GPR152: variants seen among roughly 807,000 people sequenced by gnomAD.
GPR152 encodes the protein G protein-coupled receptor 152.
For synonymous variants in GPR152, 278 were observed against 289.0 expected (o/e 0.96, Z 0.39); for missense variants, 549 against 617.2 (o/e 0.89, Z 1.17).
chr11:67,451,436 G>C lies in GPR152; in HGVS notation c.1289C>G (p.Ser430Cys), dbSNP rs1344070333. ...SSVPSPCDEASPTPSSHPTPG... is the reference protein window; with the variant it reads ...SSVPSPCDEACPTPSSHPTPG... ...GGTAGGATGCGAGGATGGGGTTGGGGAAGCTTCATCACAGGGACTGGGCAC... is the reference window on the plus strand; with the variant it reads ...GGTAGGATGCGAGGATGGGGTTGGGCAAGCTTCATCACAGGGACTGGGCAC... Residue 430 changes from serine (S) to cysteine (C), a missense_variant, in exon 1 of 1, where the codon TCC becomes TGC. Physicochemically the swap from Ser to Cys is moderately radical, Grantham distance 112. Transcript: ENST00000312457. The C allele has an allele frequency of 6.2e-7, 1 of 1,614,098 alleles. No homozygotes were observed. The highest frequency in any genetic ancestry group is 8.5e-7 in the Non-Finnish European group (1 of 1,180,012).
Position 67,452,025 on chromosome 11 carries a change from C to T in GPR152, c.700G>A (p.Gly234Ser), listed in dbSNP as rs1280055879. The T allele has an allele frequency of 5.6e-6, 9 of 1,612,212 alleles. No individual in the cohort carries two copies. Among genetic ancestry groups the T allele is most frequent in the Non-Finnish European group, 7.6e-6 (9 of 1,179,836 alleles). The change falls in exon 1 of 1, where the codon GGC becomes AGC. Residue 234 changes from glycine to serine, a missense_variant. Transcript: ENST00000312457. ...HRQQQPAACRGFARVARTILS... is the reference protein window; with the variant it reads ...HRQQQPAACRSFARVARTILS... ...ATGGTCCTGGCCACACGGGCGAAGC[C>T]CCGGCAGGCTGCGGGCTGCTGTTGG...
Position 67,451,579 on chromosome 11 carries a change from T to C in GPR152, c.1146A>G (p.Pro382=), listed in dbSNP as rs1462604939. The part of the protein sequence containing the change: ...AQPQLNPTAQ[P]QSDPTAQPQL... ...GTGGCTGGGCTGTGGGATCCGACTG[T>C]GGCTGGGCCGTAGGGTTCAGCTGTG... The change falls in exon 1 of 1, where the codon CCA becomes CCG. Residue 382 remains proline, a synonymous_variant. Coordinates refer to ENST00000312457, the MANE Select transcript of GPR152 (RefSeq NM_206997.1). The C allele has an allele frequency of 1.2e-6, 2 of 1,613,992 alleles. No individual in the cohort carries two copies. Among genetic ancestry groups the C allele is most frequent in the Admixed American group, 1.7e-5 (1 of 60,016 alleles).
chr11:67,452,485 G>A lies in GPR152; in HGVS notation c.240C>T (p.Phe80=), dbSNP rs769563551. The part of the protein sequence containing the change: ...LLSLALSDFL[F]LAAAAFQILE... ...GGATCTGGAAGGCCGCTGCTGCCAGGAACAAGAAGTCAGAGAGGGCCAGGC... is the reference window on the plus strand; with the variant it reads ...GGATCTGGAAGGCCGCTGCTGCCAGAAACAAGAAGTCAGAGAGGGCCAGGC... Residue 80 remains phenylalanine (F), a synonymous_variant, in exon 1 of 1, where the codon TTC becomes TTT. Transcript: ENST00000312457. 8 of 1,611,470 alleles carry A rather than the reference G, an allele frequency of 5.0e-6. No individual in the cohort carries two copies. The highest frequency in any genetic ancestry group is 6.8e-6 in the Non-Finnish European group (8 of 1,179,354).
chr11:67,452,356 G>A lies in GPR152; in HGVS notation c.369C>T (p.Ala123=), dbSNP rs747752250. 31 of 1,612,084 alleles carry A rather than the reference G, an allele frequency of 1.9e-5. No homozygotes were observed. In the South Asian group the frequency reaches 2.4e-4, roughly 13 times the overall value. The change falls in exon 1 of 1, where the codon GCC becomes GCT. Residue 123 remains alanine, a synonymous_variant. Transcript: ENST00000312457. Reference sequence around the variant, plus strand: ...GCAGGCAGCGGTCGAGGCTGAGGGCGGCCAGCAGGAAGAGGCCGGAGGAGT... The same window carrying A: ...GCAGGCAGCGGTCGAGGCTGAGGGCAGCCAGCAGGAAGAGGCCGGAGGAGT... ...VSYSSGLFLL[A]ALSLDRCLLA... is the part of the protein sequence containing the mutation.
rs1054008551 is a variant in GPR152 at position 67,451,843 on chromosome 11, G to C, written c.882C>G (p.Leu294=). The change falls in exon 1 of 1, where the codon CTC becomes CTG. Residue 294 remains leucine (L), a synonymous_variant. Coordinates refer to ENST00000312457, the MANE Select transcript of GPR152 (RefSeq NM_206997.1). Reference sequence around the variant, plus strand: ...GGAGGTCGGCACTGGCCATGAGGCAGAGGAAGGGGCTGAGGCAGCTGTTGA... The same window carrying C: ...GGAGGTCGGCACTGGCCATGAGGCACAGGAAGGGGCTGAGGCAGCTGTTGA... The part of the protein sequence containing the change: ...ILLNSCLSPF[L]CLMASADLRT... The C allele has an allele frequency of 1.2e-6, 2 of 1,613,102 alleles. No homozygotes were observed. The highest frequency in any genetic ancestry group is 2.7e-5 in the African/African-American group (2 of 74,946).
chr11:67,452,376 AG>A lies in GPR152; in HGVS notation c.348del (p.Ser117ProfsTer77). Reference sequence around the variant, plus strand: ...AGGGCGGCCAGCAGGAAGAGGCCGGAGGAGTAGGACACGCCCCATAGGAAGT... The same window carrying A: ...AGGGCGGCCAGCAGGAAGAGGCCGGAGAGTAGGACACGCCCCATAGGAAGT... The part of the protein sequence containing the change: ...FYYFLWGVSY[S>X]SGLFLLAALS... On this transcript the variant is annotated frameshift_variant, in exon 1 of 1. Coordinates refer to ENST00000312457, the MANE Select transcript of GPR152 (RefSeq NM_206997.1). LOFTEE classifies it low-confidence loss of function (END_TRUNC). The A allele has an allele frequency of 6.2e-7, 1 of 1,612,600 alleles. No individual in the cohort carries two copies. Among genetic ancestry groups the A allele is most frequent in the South Asian group, 1.1e-5 (1 of 91,054 alleles).
Position 67,452,545 on chromosome 11 carries a change from A to T in GPR152, c.180T>A (p.His60Gln), listed in dbSNP as rs374934185. The T allele has an allele frequency of 4.1e-5, 66 of 1,606,728 alleles. No homozygotes were observed. Among genetic ancestry groups the T allele is most frequent in the Non-Finnish European group, 4.8e-5 (57 of 1,177,056 alleles). ...GCAGCGCCAGACGCGTGCCAGCTCC[A>T]TGCCGGGCCTGGGAGCCGGCCAGCC... Reference protein sequence around the residue: ...MAWLAGSQARHGAGTRLALLL... With the variant: ...MAWLAGSQARQGAGTRLALLL... The change falls in exon 1 of 1, where the codon CAT becomes CAA. Residue 60 changes from histidine (H) to glutamine (Q), a missense_variant. His to Gln is a conservative substitution (Grantham distance 24). Transcript: ENST00000312457.
Position 67,451,734 on chromosome 11 carries a change from G to A in GPR152, c.991C>T (p.Gln331Ter). The change falls in exon 1 of 1, where the codon CAG (glutamine) becomes TAG (stop). Residue 331 changes from glutamine to a stop codon, truncating the protein, a stop_gained. Transcript: ENST00000312457. LOFTEE classifies it low-confidence loss of function (END_TRUNC). ...GGACCCTCAGAATCTAGCTGGGTCT[G>A]TGGCTCAGTGGGCGTGAAGCTGCCC... ...RPGSFTPTEP[Q>*]TQLDSEGPTL... The A allele has an allele frequency of 6.2e-7, 1 of 1,613,638 alleles. No homozygotes were observed. Among genetic ancestry groups the A allele is most frequent in the Non-Finnish European group, 8.5e-7 (1 of 1,180,028 alleles).
At position 67,451,963 on chromosome 11, in the gene GPR152, CTGG is replaced by C. The variant is rs762560526; in HGVS notation, c.759_761del (p.Tyr253_Gln254delinsTer). 6.8e-6 allele frequency: 11 copies of C among 1,610,630 alleles called. No homozygotes were observed. The highest frequency in any genetic ancestry group is 8.5e-6 in the Non-Finnish European group (10 of 1,179,988). On this transcript the variant is annotated stop_gained and inframe_deletion, in exon 1 of 1. Transcript: ENST00000312457. LOFTEE classifies it low-confidence loss of function (END_TRUNC). ...AGGCCAGGTAGAGCAGCTGGGCCAG[CTGG>C]TAGGGCAGCCTCAGGACCACATAGG...
chr11:67,452,152 C>T lies in GPR152; in HGVS notation c.573G>A (p.Leu191=), dbSNP rs1590993464. The T allele has an allele frequency of 6.2e-7, 1 of 1,610,470 alleles. No individual in the cohort carries two copies. Among genetic ancestry groups the T allele is most frequent in the Non-Finnish European group, 8.5e-7 (1 of 1,179,928 alleles). Residue 191 remains leucine, a synonymous_variant, in exon 1 of 1, where the codon CTG becomes CTA. Coordinates refer to ENST00000312457, the MANE Select transcript of GPR152 (RefSeq NM_206997.1). ...CCAGGACCTCCAGCATCCTCAGCGA[C>T]AGCTCCTCGCTGTCCCAGAAGTCCA... The part of the protein sequence containing the change: ...ICLDFWDSEE[L]SLRMLEVLGG...
At position 67,451,342 on chromosome 11, in the gene GPR152, TG is replaced by T. The variant is rs1243628634; in HGVS notation, c.1382del (p.Pro461GlnfsTer?). The T allele has an allele frequency of 6.3e-7, 1 of 1,593,926 alleles. No homozygotes were observed. The highest frequency in any genetic ancestry group is 8.5e-7 in the Non-Finnish European group (1 of 1,169,748). On this transcript the variant is annotated frameshift_variant, in exon 1 of 1. Transcript: ENST00000312457. LOFTEE classifies it high-confidence loss of function. ...TGGGGCCTGCGCCCGGGGCCGCCTC[TG>T]GCGGGGTGCTGCTGGGGCTTTCTCC... ...SEGESPSSTP[P>X]EAAPGAGPT is the part of the protein sequence containing the mutation.
rs201669048 is a variant in GPR152 at position 67,452,193 on chromosome 11, C to T, written c.532G>A (p.Asp178Asn). 1,017 of 1,608,524 alleles carry T rather than the reference C, an allele frequency of 6.3e-4. No individual in the cohort carries two copies. The highest frequency in any genetic ancestry group is 1.0e-3 in the South Asian group (92 of 91,084). The change falls in exon 1 of 1, where the codon GAC (aspartate) becomes AAC (asparagine). Residue 178 changes from aspartate to asparagine, a missense_variant. Coordinates refer to ENST00000312457, the MANE Select transcript of GPR152 (RefSeq NM_206997.1). The part of the protein sequence containing the change: ...VFPEAAVWWY[D>N]LVICLDFWDS... ...CAGAAGTCCAGGCAGATGACCAGGTCGTACCACCAGACGGCAGCCTCGGGG... is the reference window on the plus strand; with the variant it reads ...CAGAAGTCCAGGCAGATGACCAGGTTGTACCACCAGACGGCAGCCTCGGGG...
At position 67,452,029 on chromosome 11, in the gene GPR152, G is replaced by C; in HGVS notation, c.696C>G (p.Cys232Trp). The change falls in exon 1 of 1, where the codon TGC becomes TGG. Residue 232 changes from cysteine to tryptophan, a missense_variant. Cys to Trp is a radical substitution (Grantham distance 215). Coordinates refer to ENST00000312457, the MANE Select transcript of GPR152 (RefSeq NM_206997.1). ...TCCTGGCCACACGGGCGAAGCCCCGGCAGGCTGCGGGCTGCTGTTGGCGGT... is the reference window on the plus strand; with the variant it reads ...TCCTGGCCACACGGGCGAAGCCCCGCCAGGCTGCGGGCTGCTGTTGGCGGT... ...TCHRQQQPAA[C>W]RGFARVARTI... is the part of the protein sequence containing the mutation. 2 of 1,612,172 alleles carry C rather than the reference G, an allele frequency of 1.2e-6. No individual in the cohort carries two copies. The highest frequency in any genetic ancestry group is 1.7e-6 in the Non-Finnish European group (2 of 1,179,840).
At position 67,452,573 on chromosome 11, in the gene GPR152, G is replaced by A. The variant is rs141236237; in HGVS notation, c.152C>T (p.Ala51Val). 367 of 1,610,314 alleles carry A rather than the reference G, an allele frequency of 2.3e-4. 1 individual carries two copies. In the African/African-American group the frequency reaches 3.7e-3, roughly 16 times the overall value. The stretch of plus-strand genomic sequence containing the variant: ...CCGGGCCTGGGAGCCGGCCAGCCAC[G>A]CCATCAACCCATTGGCTGGCAGCCC... The part of the protein sequence containing the change: ...LLGLPANGLM[A>V]WLAGSQARHG... The change falls in exon 1 of 1, where the codon GCG (alanine) becomes GTG (valine). Residue 51 changes from alanine to valine, a missense_variant. Physicochemically the swap from Ala to Val is moderately conservative, Grantham distance 64. Coordinates refer to ENST00000312457, the MANE Select transcript of GPR152 (RefSeq NM_206997.1).
chr11:67,451,316 G>A lies in GPR152; in HGVS notation c.1409C>T (p.Thr470Met), dbSNP rs137906019. The change falls in exon 1 of 1, where the codon ACG becomes ATG. Residue 470 changes from threonine to methionine, a missense_variant. Physicochemically the swap from Thr to Met is moderately conservative, Grantham distance 81. Coordinates refer to ENST00000312457, the MANE Select transcript of GPR152 (RefSeq NM_206997.1). ...GGCCTGCGTGTTCCTGGACCCTCAC[G>A]TGGGGCCTGCGCCCGGGGCCGCCTC... ...PPEAAPGAGP[T>M] The A allele has an allele frequency of 1.2e-3, 1,808 of 1,562,326 alleles. 4 individuals are homozygous for A. Among genetic ancestry groups the A allele is most frequent in the Non-Finnish European group, 1.4e-3 (1,665 of 1,156,936 alleles).
In GPR152 at chr11:67,452,248, G is replaced by A. The variant is rs760600715; in HGVS notation, c.477C>T (p.Ala159=). 3 of 1,610,106 alleles carry A rather than the reference G, an allele frequency of 1.9e-6. No individual in the cohort carries two copies. The highest frequency in any genetic ancestry group is 2.5e-6 in the Non-Finnish European group (3 of 1,179,932). The change falls in exon 1 of 1, where the codon GCC becomes GCT. Residue 159 remains alanine, a synonymous_variant. Coordinates refer to ENST00000312457, the MANE Select transcript of GPR152 (RefSeq NM_206997.1). ...CCAGCCAGGGCACGCTGAAGAGTGT[G>A]GCCAGCACCCAGACACCGGCGCAGA... is the stretch of plus-strand genomic sequence containing the variant. ...LWVCAGVWVL[A]TLFSVPWLVF...
At position 67,452,316 on chromosome 11, in the gene GPR152, G is replaced by A. The variant is rs1214648803; in HGVS notation, c.409C>T (p.His137Tyr). The change falls in exon 1 of 1, where the codon CAC becomes TAC. Residue 137 changes from histidine to tyrosine, a missense_variant. Coordinates refer to ENST00000312457, the MANE Select transcript of GPR152 (RefSeq NM_206997.1). ...LDRCLLALCP[H>Y]WYPGHRPVRL... ...ACTGGGCGGTGCCCAGGGTACCAGT[G>A]TGGGCACAGCGCCAGCAGGCAGCGG... The A allele has an allele frequency of 1.9e-6, 3 of 1,610,654 alleles. No individual in the cohort carries two copies. Among genetic ancestry groups the A allele is most frequent in the Non-Finnish European group, 2.5e-6 (3 of 1,179,652 alleles).
chr11:67,451,817 C>T lies in GPR152; in HGVS notation c.908G>A (p.Arg303Gln), dbSNP rs754807161. The change falls in exon 1 of 1, where the codon CGG (arginine) becomes CAG (glutamine). Residue 303 changes from arginine (R) to glutamine (Q), a missense_variant. Coordinates refer to ENST00000312457, the MANE Select transcript of GPR152 (RefSeq NM_206997.1). ...CGAGAGCACGGAGCGCAGCAGGGTC[C>T]GGAGGTCGGCACTGGCCATGAGGCA... ...FLCLMASADL[R>Q]TLLRSVLSSF... The T allele has an allele frequency of 5.6e-5, 90 of 1,612,996 alleles. 1 individual carries two copies. The highest frequency in any genetic ancestry group is 2.0e-4 in the African/African-American group (15 of 74,930).
Position 67,451,439 on chromosome 11 carries a change from G to T in GPR152, c.1286C>A (p.Ala429Asp). The part of the protein sequence containing the change: ...ASSVPSPCDE[A>D]SPTPSSHPTP... ...AGGATGCGAGGATGGGGTTGGGGAA[G>T]CTTCATCACAGGGACTGGGCACAGA... The change falls in exon 1 of 1, where the codon GCT becomes GAT. Residue 429 changes from alanine (A) to aspartate (D), a missense_variant. By Grantham distance (126) the Ala-to-Asp change is moderately radical. Transcript: ENST00000312457. 6.2e-7 allele frequency: 1 copy of T among 1,614,106 alleles called. No individual in the cohort carries two copies. Among genetic ancestry groups the T allele is most frequent in the Non-Finnish European group, 8.5e-7 (1 of 1,180,028 alleles).
Sources: gnomAD v4.1 joint callset for allele counts on GRCh38, gnomAD v4.1.1 for gene constraint, MANE v1.5 for transcripts, NCBI Gene and HGNC (gene_info 2026-07-23, HGNC 2026-07-21) for gene names.